TLE3: variants seen among roughly 807,000 people sequenced by gnomAD.
The protein encoded by TLE3 is TLE family member 3, transcriptional corepressor.
Under a neutral mutation model 93.0 loss-of-function variants are expected in TLE3, and 14 were observed. That is an observed-to-expected ratio of 0.15 (90% confidence interval 0.10 to 0.24). TLE3 has a LOEUF of 0.24. Among genes scored for constraint, TLE3 ranks in the 10% least tolerant of loss-of-function variants. The pLI is 1.00. For synonymous variants in TLE3, 451 were observed against 425.0 expected (o/e 1.06, Z -0.75); for missense variants, 693 against 1,046.6 (o/e 0.66, Z 4.66).
At position 70,053,426 on chromosome 15, in the gene TLE3, A is replaced by AG. The variant is rs1010171621; in HGVS notation, c.1827-53dup. 9 of 1,558,940 alleles carry AG rather than the reference A, an allele frequency of 5.8e-6. No homozygotes were observed. The Admixed American group carries it at 1.5e-4, about 25-fold the overall frequency. ...TGAGTCCCGGGAACCACAGACTGCC[A>AG]GGTGGCGGCCATCCCAGGGGCAGTC... On this transcript the variant is annotated intron_variant, in intron 16 of 19. Coordinates refer to ENST00000451782, the MANE Select transcript of TLE3 (RefSeq NM_001105192.3).
At chr15:70,057,145 C>CAT (rs2056115133) in intron 13 of TLE3, among the ~76,000 whole-genome samples, 1 of 152,230 alleles carries the variant, frequency 6.6e-6, no homozygotes. Flanking sequence ...ACCTGACTTG[C>CAT]CCTGGGATTC....
At chr15:70,079,826 G>A (rs1404644947) in intron 4 of TLE3, among the ~76,000 whole-genome samples, 1 of 151,980 alleles carries the variant, frequency 6.6e-6, no homozygotes, top group African/African-American at 2.4e-5. Context: ...CGGAGAAGGC[G>A]CTTGTCAACA....
Position 70,066,192 on chromosome 15 carries a change from G to A in TLE3, c.399C>T (p.Leu133=). 6.5e-7 allele frequency: 1 copy of A among 1,543,120 alleles called. No homozygotes were observed. Among genetic ancestry groups the A allele is most frequent in the African/African-American group, 1.4e-5 (1 of 72,660 alleles). Residue 133 remains leucine (L), a synonymous_variant, in exon 7 of 20, where the codon CTC becomes CTT. Transcript: ENST00000451782. ...CCGGGGGGCCGTGTGTGGCATGGGA[G>A]AGGTGCTGCGCCTGGAGCTGCTGCT... ...IGQQQLQAQH[L]SHATHGPPVQ...
intron 4 of TLE3, among the ~76,000 whole-genome samples, chr15:70,087,091 G>A (rs1198827762): frequency 1.3e-5 from 2 of 152,202 alleles, no homozygotes; most frequent in African/African-American, 4.8e-5. Flanking sequence ...AGAGAACCCT[G>A]AGCTGGAATA....
chr15:70,097,815 CCAA>C lies in TLE3; in HGVS notation c.-1020_-1018del. ...ACGCGCGCACGCACACACACACACA[CCAA>C]AAAAAAAAGTGCCCCGGACCTACGG... On this transcript the variant is annotated 5_prime_UTR_variant, in exon 1 of 20. Transcript: ENST00000451782. 4 of 196,586 alleles carry C rather than the reference CCAA, an allele frequency of 2.0e-5. No individual in the cohort carries two copies. Among genetic ancestry groups the C allele is most frequent in the Non-Finnish European group, 2.5e-5 (3 of 120,544 alleles). The allele number at this position is 196,586 out of a possible 1,614,324, so 12.2% of individuals were successfully genotyped here.
chr15:70,076,919 C>T (rs1252282050), intron 4 of TLE3, among the ~76,000 whole-genome samples: 4 of 152,028 alleles, frequency 2.6e-5, no homozygotes, highest in Admixed American at 6.6e-5. Flanking sequence ...GGTTTCGCCA[C>T]GTTGTCCAGG....
intron 4 of TLE3, among the ~76,000 whole-genome samples, chr15:70,087,662 C>G (rs1183898779): frequency 2.0e-5 from 3 of 152,224 alleles, no homozygotes; most frequent in African/African-American, 7.2e-5. Context: ...TGGGAGAGAA[C>G]AGGACAACAT....
chr15:70,069,165 C>T (rs1331731789), intron 6 of TLE3, among the ~76,000 whole-genome samples: 1 of 152,194 alleles, frequency 6.6e-6, no homozygotes, highest in Non-Finnish European at 1.5e-5. Context: ...GGCATGTTTG[C>T]TCAGTACATG....
intron 2 of TLE3, 126 bp from the exon 3 acceptor site, chr15:70,095,767 C>T: frequency 8.4e-7 from 1 of 1,191,790 alleles, no homozygotes; most frequent in South Asian, 1.6e-5. Context: ...CCCCCATTAT[C>T]CCACAGCCTG....
intron 4 of TLE3, among the ~76,000 whole-genome samples, chr15:70,082,497 G>T (rs1324849029): frequency 6.6e-6 from 1 of 152,156 alleles, no homozygotes; most frequent in East Asian, 1.9e-4. Context: ...CTACTGGAGG[G>T]GCTGGTGAAG....
At chr15:70,060,893 C>T (rs1023815470) in intron 8 of TLE3, 3 of 530,568 alleles carry the variant, frequency 5.7e-6, no homozygotes, top group Non-Finnish European at 1.1e-5. Flanking sequence ...CAGCTCTGCA[C>T]TGCTATTAAA....
chr15:70,065,995 T>G lies in TLE3; in HGVS notation c.577+19A>C. ...CCCACCCCTGCCCCGCCCCACCCTC[T>G]GCCCCAGCCCAGCCGCACCTCTGTG... On this transcript the variant is annotated intron_variant, in intron 7 of 19. Transcript: ENST00000451782. 12 of 778,650 alleles carry G rather than the reference T, an allele frequency of 1.5e-5. No individual in the cohort carries two copies. The highest frequency in any genetic ancestry group is 2.5e-5 in the Non-Finnish European group (12 of 473,876). The allele number at this position is 778,650 out of a possible 1,614,324, so 48.2% of individuals were successfully genotyped here.
chr15:70,052,538 G>C lies in TLE3; in HGVS notation c.1975-14C>G. Reference sequence around the variant, plus strand: ...CAGCGAGAAGATCTGCAGGTGGTGGGAGGGCAGATGGACTGAGCTCAGCAT... The same window carrying C: ...CAGCGAGAAGATCTGCAGGTGGTGGCAGGGCAGATGGACTGAGCTCAGCAT... On this transcript the variant is annotated splice_polypyrimidine_tract_variant and intron_variant, in intron 17 of 19. Coordinates refer to ENST00000451782, the MANE Select transcript of TLE3 (RefSeq NM_001105192.3). 6.2e-7 allele frequency: 1 copy of C among 1,610,926 alleles called. No individual in the cohort carries two copies. The highest frequency in any genetic ancestry group is 8.5e-7 in the Non-Finnish European group (1 of 1,179,002).
Position 70,058,886 on chromosome 15 carries a change from T to C in TLE3, c.766-71A>G. ...CCTCGAGGCTTCCCTGCTCTGGGAG[T>C]GGGAAGAGAGAGGGCATGGGCGATG... On this transcript the variant is annotated intron_variant, in intron 10 of 19. Coordinates refer to ENST00000451782, the MANE Select transcript of TLE3 (RefSeq NM_001105192.3). This position sits in a 1 kb window ranked among gnomAD's most constrained non-coding sequence, Gnocchi z 4.1. The C allele has an allele frequency of 6.8e-7, 1 of 1,463,620 alleles. No individual in the cohort carries two copies. Among genetic ancestry groups the C allele is most frequent in the Non-Finnish European group, 9.0e-7 (1 of 1,110,042 alleles). The allele number at this position is 1,463,620 out of a possible 1,614,324, so 90.7% of individuals were successfully genotyped here.
In TLE3 at chr15:70,056,351, C is replaced by A. The variant is rs544054629; in HGVS notation, c.1275G>T (p.Pro425=). 4 of 1,613,486 alleles carry A rather than the reference C, an allele frequency of 2.5e-6. No individual in the cohort carries two copies. The highest frequency in any genetic ancestry group is 3.4e-6 in the Non-Finnish European group (4 of 1,179,826). The part of the protein sequence containing the change: ...FGAVGFDPHP[P]MRATGLPSSL... Reference sequence around the variant, plus strand: ...TTGAGGGGAGGCCTGTGGCCCGCATCGGGGGGTGAGGGTCAAAACCAACCT... The same window carrying A: ...TTGAGGGGAGGCCTGTGGCCCGCATAGGGGGGTGAGGGTCAAAACCAACCT... The change falls in exon 14 of 20, where the codon CCG becomes CCT. Residue 425 remains proline, a synonymous_variant. Transcript: ENST00000451782.
chr15:70,053,259 G>T lies in TLE3; in HGVS notation c.1942C>A (p.Arg648=), dbSNP rs2055707980. The T allele has an allele frequency of 6.2e-7, 1 of 1,608,796 alleles. No individual in the cohort carries two copies. Among genetic ancestry groups the T allele is most frequent in the Non-Finnish European group, 8.5e-7 (1 of 1,177,658 alleles). The change falls in exon 17 of 20, where the codon CGA becomes AGA. Residue 648 remains arginine (R), a synonymous_variant. Coordinates refer to ENST00000451782, the MANE Select transcript of TLE3 (RefSeq NM_001105192.3). ...GTGAAGTCATGCTGCTGTAGCTGTC[G>T]GCCCTCCCGCAGGTCCCAGGAGCGC... ...TVRSWDLREG[R]QLQQHDFTSQ...
At chr15:70,056,115 G>C in intron 14 of TLE3, 183 bp downstream of exon 14, 1 of 685,518 alleles carries the variant, frequency 1.5e-6, no homozygotes. Context: ...AGTGTGGCTT[G>C]GCTACAGTTT....
chr15:70,086,850 T>C (rs1387865100), intron 4 of TLE3, among the ~76,000 whole-genome samples: 1 of 152,076 alleles, frequency 6.6e-6, no homozygotes, highest in Non-Finnish European at 1.5e-5. Context: ...CTCCCAGTTA[T>C]CTCTTCGCAC....
At chr15:70,095,872 G>A in intron 2 of TLE3, 2 of 630,048 alleles carry the variant, frequency 3.2e-6, no homozygotes, top group East Asian at 2.8e-5. Context: ...CGGCAGCAGG[G>A]GAGTAGGACC....
Sources: gnomAD v4.1 joint callset for allele counts (sites outside exome capture counted in the v4.1 genomes callset) on GRCh38, gnomAD v4.1.1 for gene constraint, Gnocchi (gnomAD v3.1) non-coding constraint, MANE v1.5 for transcripts, NCBI Gene and HGNC (gene_info 2026-07-23, HGNC 2026-07-21) for gene names.